SPTBN1: variants seen among roughly 807,000 people sequenced by gnomAD.
SPTBN1 encodes spectrin beta chain, non-erythrocytic 1.
A neutral mutation model predicts 266.4 loss-of-function variants in SPTBN1; 32 were observed. The observed-to-expected ratio is 0.12, with a 90% CI of 0.09 to 0.16. SPTBN1 has a LOEUF of 0.16. Among genes scored for constraint, SPTBN1 ranks in the 10% least tolerant of loss-of-function variants. The probability of loss-of-function intolerance (pLI) is 1.00; values close to 1 mark genes in which losing one functional copy is unlikely to be tolerated. For synonymous variants in SPTBN1, 1,336 were observed against 1,162.2 expected (o/e 1.15, Z -3.04); for missense variants, 2,296 against 3,067.1 (o/e 0.75, Z 5.94).
At chr2:54,469,355 A>C (rs1428597312) in intron 1 of SPTBN1, among the ~76,000 whole-genome samples, 1 of 152,150 alleles carries the variant, frequency 6.6e-6, no homozygotes, top group African/African-American at 2.4e-5. Flanking sequence ...GCCCCAAGGA[A>C]AAGTGACAAA....
chr2:54,630,099 G>A (rs745916844), intron 15 of SPTBN1, 70 bp downstream of exon 15: 37 of 1,552,446 alleles, frequency 2.4e-5, no homozygotes, highest in Non-Finnish European at 3.2e-5. Flanking sequence ...CACTCATCGA[G>A]CTTTGCTGTT....
chr2:54,664,622 C>T lies in SPTBN1; in HGVS notation c.6590C>T (p.Ser2197Leu), dbSNP rs781460543. The T allele has an allele frequency of 6.4e-5, 103 of 1,614,092 alleles. No homozygotes were observed. The highest frequency in any genetic ancestry group is 8.5e-5 in the Non-Finnish European group (100 of 1,180,046). Residue 2197 changes from serine to leucine, a missense_variant, in exon 33 of 36, where the codon TCG becomes TTG. Around this residue, in one of 12 missense-constraint regions of SPTBN1, gnomAD observed 347 missense variants for 368.5 expected, o/e 0.94. Coordinates refer to ENST00000356805, the MANE Select transcript of SPTBN1 (RefSeq NM_003128.3). This position sits in a 1 kb window ranked among gnomAD's most constrained non-coding sequence, Gnocchi z 5.6. The part of the protein sequence containing the change: ...TLPARTQETP[S>L]AQMEGFLNRK... ...CCAGCCAGAACCCAGGAGACACCTT[C>T]GGCCCAGATGGAAGGCTTCCTCAAT... is the stretch of plus-strand genomic sequence containing the variant.
At chr2:54,581,577 C>CT (rs70944181) in intron 2 of SPTBN1, among the ~76,000 whole-genome samples, 40,733 of 101,054 alleles carry the variant, frequency 0.4, 8,842 homozygotes, top group Admixed American at 0.47. Flanking sequence ...TTTCTTTGCC[C>CT]TTTTTTTTTT....
chr2:54,627,597 C>G (rs1339729474), intron 12 of SPTBN1, among the ~76,000 whole-genome samples: 1 of 152,192 alleles, frequency 6.6e-6, no homozygotes, highest in Non-Finnish European at 1.5e-5. Context: ...AAGCTCCTAA[C>G]AGAGGAAAAA....
intron 2 of SPTBN1, among the ~76,000 whole-genome samples, chr2:54,550,554 T>A (rs972390827): frequency 6.6e-6 from 1 of 152,198 alleles, no homozygotes; most frequent in Non-Finnish European, 1.5e-5. Context: ...GGGATTTGGT[T>A]AGAAGCAACA....
intron 1 of SPTBN1, among the ~76,000 whole-genome samples, chr2:54,456,958 A>C (rs931592851): frequency 1.9e-4 from 29 of 149,038 alleles, no homozygotes; most frequent in South Asian, 8.4e-4. Flanking sequence ...CGGAGGGTCT[A>C]TTTTCAGGTG....
Position 54,630,999 on chromosome 2 carries a change from G to C in SPTBN1, c.2952G>C (p.Leu984=). 1 of 1,614,184 alleles carries C rather than the reference G, an allele frequency of 6.2e-7. No homozygotes were observed. The highest frequency in any genetic ancestry group is 8.5e-7 in the Non-Finnish European group (1 of 1,180,040). Reference sequence around the variant, plus strand: ...AGGTCATCGAGTCCACCCAGGACCTGGGCAATGACCTGGCTGGCGTCATGG... The same window carrying C: ...AGGTCATCGAGTCCACCCAGGACCTCGGCAATGACCTGGCTGGCGTCATGG... ...KTKVIESTQD[L]GNDLAGVMAL... Residue 984 remains leucine (L), a synonymous_variant, in exon 16 of 36, where the codon CTG becomes CTC. Coordinates refer to ENST00000356805, the MANE Select transcript of SPTBN1 (RefSeq NM_003128.3).
intron 2 of SPTBN1, among the ~76,000 whole-genome samples, chr2:54,562,494 C>T (rs1673369764): frequency 6.6e-6 from 1 of 150,804 alleles, no homozygotes; most frequent in African/African-American, 2.4e-5. Context: ...CCTACTCTTC[C>T]ATTTCATCTA....
At position 54,657,941 on chromosome 2, in the gene SPTBN1, C is replaced by A. The variant is rs756279216; in HGVS notation, c.6138C>A (p.Gly2046=). Residue 2046 remains glycine (G), a synonymous_variant, in exon 30 of 36, where the codon GGC becomes GGA. Transcript: ENST00000356805. ...QEPYLSSREI[G]QSVDEVEKLI... The stretch of plus-strand genomic sequence containing the variant: ...CGTACCTATCCAGCCGAGAGATAGG[C>A]CAGAGCGTGGACGAGGTGGAGAAGC... 6.2e-7 allele frequency: 1 copy of A among 1,614,232 alleles called. No individual in the cohort carries two copies. The highest frequency in any genetic ancestry group is 8.5e-7 in the Non-Finnish European group (1 of 1,180,042).
intron 2 of SPTBN1, among the ~76,000 whole-genome samples, chr2:54,561,877 AT>A (rs1032184238): frequency 1.5e-5 from 1 of 66,648 alleles, no homozygotes; most frequent in African/African-American, 5.2e-5. Context: ...AATAAGTGTG[AT>A]TAAAAAAAAA....
chr2:54,644,723 T>C, intron 20 of SPTBN1, 137 bp downstream of exon 20: 2 of 1,129,674 alleles, frequency 1.8e-6, no homozygotes, highest in Non-Finnish European at 2.5e-6. Context: ...TATTACTTGC[T>C]CTAACAGCAT....
chr2:54,501,278 C>T (rs1316385774), intron 1 of SPTBN1, among the ~76,000 whole-genome samples: 1 of 152,112 alleles, frequency 6.6e-6, no homozygotes, highest in Non-Finnish European at 1.5e-5. Context: ...GCCTCTGGGG[C>T]TTTTTGGCTC....
chr2:54,509,890 C>G (rs1276928246), intron 1 of SPTBN1, among the ~76,000 whole-genome samples: 9 of 151,726 alleles, frequency 5.9e-5, no homozygotes. Flanking sequence ...CCTCACCTGG[C>G]CTTTTCTTTG....
At chr2:54,660,178 A>C (rs1680944853) in intron 32 of SPTBN1, 179 bp downstream of exon 32, 4 of 1,510,454 alleles carry the variant, frequency 2.6e-6, no homozygotes, top group African/African-American at 1.4e-5. Context: ...TAAAATTTTT[A>C]CTTAATTCAT....
At chr2:54,668,301 C>G (rs768974229) in intron 35 of SPTBN1, 50 bp from the exon 36 acceptor site, 3 of 1,588,060 alleles carry the variant, frequency 1.9e-6, no homozygotes, top group South Asian at 1.1e-5. Context: ...GCCAGAACCC[C>G]TCATGCCTAC....
chr2:54,590,082 C>T (rs549281513), intron 2 of SPTBN1, among the ~76,000 whole-genome samples: 53 of 152,232 alleles, frequency 3.5e-4, no homozygotes, highest in African/African-American at 1.2e-3. Context: ...TTCACTTTAC[C>T]GTACAGGTAT....
intron 3 of SPTBN1, among the ~76,000 whole-genome samples, chr2:54,607,224 A>C (rs1461433341): frequency 6.6e-6 from 1 of 152,282 alleles, no homozygotes; most frequent in African/African-American, 2.4e-5. Flanking sequence ...AATGAAAAAT[A>C]ACAATACAGA....
At chr2:54,635,336 G>A (rs556907944) in intron 17 of SPTBN1, among the ~76,000 whole-genome samples, 9 of 152,310 alleles carry the variant, frequency 5.9e-5, no homozygotes, top group East Asian at 1.9e-4. Flanking sequence ...TCTTTTAAGC[G>A]TCTTCTGAGT....
At position 54,646,382 on chromosome 2, in the gene SPTBN1, G is replaced by T; in HGVS notation, c.4773G>T (p.Ala1591=). The T allele has an allele frequency of 1.2e-6, 2 of 1,613,096 alleles. No homozygotes were observed. Among genetic ancestry groups the T allele is most frequent in the Non-Finnish European group, 1.7e-6 (2 of 1,179,604 alleles). Residue 1591 remains alanine, a synonymous_variant, in exon 23 of 36, where the codon GCG becomes GCT. Transcript: ENST00000356805. The surrounding 1 kb of genome is among the most constrained non-coding windows in gnomAD (Gnocchi z 4.4). Reference sequence around the variant, plus strand: ...AACGCCACAGGCGGCTGGAGGAGGCGCACAGGGCCCAGCAGTACTACTTTG... The same window carrying T: ...AACGCCACAGGCGGCTGGAGGAGGCTCACAGGGCCCAGCAGTACTACTTTG... The part of the protein sequence containing the change: ...TEKRHRRLEE[A]HRAQQYYFDA...
Sources: gnomAD v4.1 joint callset for allele counts (sites outside exome capture counted in the v4.1 genomes callset) on GRCh38, gnomAD v4.1.1 for gene constraint, gnomAD v4.1.1 regional missense constraint, Gnocchi (gnomAD v3.1) non-coding constraint, MANE v1.5 for transcripts, NCBI Gene and HGNC (gene_info 2026-07-23, HGNC 2026-07-21) for gene names.